UGT2B7: variants seen among roughly 807,000 people sequenced by gnomAD.
UGT2B7 encodes UDP glucuronosyltransferase family 2 member B7.
UGT2B7 carries 51 observed loss-of-function variants against 51.9 expected under a neutral mutation model. The ratio of observed to expected loss-of-function variants is 0.98; its 90% CI spans 0.78 to 1.24. The LOEUF is 1.24. Among genes scored for constraint, UGT2B7 ranks in the 50% most tolerant of loss-of-function variants. The probability of loss-of-function intolerance (pLI) is 0.00; values close to 1 mark genes in which losing one functional copy is unlikely to be tolerated. For missense variants in UGT2B7, 727 were observed against 628.4 expected (o/e 1.16, Z -1.68); for synonymous variants, 225 against 211.6 (o/e 1.06, Z -0.55).
rs1414628425 is a variant in UGT2B7 at position 69,108,469 on chromosome 4, TAA to T, written c.1310+148_1310+149del. ...AATCTGAAATCTGCTTTTATTTTTA[TAA>T]GTTATTTAAAAATTGAATTTGAAAC... On this transcript the variant is annotated intron_variant, in intron 5 of 5. Transcript: ENST00000305231. The T allele has an allele frequency of 2.4e-5, 25 of 1,047,402 alleles. 1 individual carries two copies. In the South Asian group the frequency reaches 3.9e-4, roughly 17 times the overall value. The allele number at this position is 1,047,402 out of a possible 1,614,324, so 64.9% of individuals were successfully genotyped here. A position where few individuals can be genotyped will look rare whatever the true frequency, so the allele number is the denominator to read the frequency against.
chr4:69,079,446 T>C (rs4694612), intron 1 of UGT2B7, among the ~76,000 whole-genome samples: 65,295 of 152,096 alleles, frequency 0.43, 15,576 homozygotes, highest in African/African-American at 0.64. Context: ...AACAAACCTG[T>C]ACGTTGTGCA....
At chr4:69,073,651 C>T (rs1393978566) in intron 1 of UGT2B7, among the ~76,000 whole-genome samples, 1 of 152,100 alleles carries the variant, frequency 6.6e-6, no homozygotes, top group African/African-American at 2.4e-5. Context: ...ATGAAATACA[C>T]TTGAGACAAA....
upstream of UGT2B7, among the ~76,000 whole-genome samples, chr4:69,091,590 A>T (rs1010192614): frequency 6.6e-6 from 1 of 152,140 alleles, no homozygotes; most frequent in South Asian, 2.1e-4. Context: ...ATTTATTTCA[A>T]TTCGGAGCCC....
intron 1 of UGT2B7, among the ~76,000 whole-genome samples, chr4:69,084,732 C>T (rs1718912261): frequency 6.6e-6 from 1 of 152,048 alleles, no homozygotes. Context: ...GTTTTCTGTT[C>T]CTGTGTTAGT....
At chr4:69,111,553 T>C (rs754601859) in intron 5 of UGT2B7, among the ~76,000 whole-genome samples, 5 of 152,198 alleles carry the variant, frequency 3.3e-5, no homozygotes, top group African/African-American at 4.8e-5. Context: ...CGTATGTCTG[T>C]TTGAGAACTA....
At chr4:69,059,109 A>G (rs1718283015) in intron 1 of UGT2B7, among the ~76,000 whole-genome samples, 1 of 152,232 alleles carries the variant, frequency 6.6e-6, no homozygotes, top group Admixed American at 6.5e-5. Flanking sequence ...TATGAGGACT[A>G]GGACAGACCA....
intron 1 of UGT2B7, among the ~76,000 whole-genome samples, chr4:69,065,724 A>G (rs1577909175): frequency 1.3e-5 from 2 of 152,186 alleles, no homozygotes; most frequent in Admixed American, 1.3e-4. Context: ...ACTCTAACTT[A>G]TGGAACAAAT....
At chr4:69,077,762 C>A (rs568849636) in intron 1 of UGT2B7, among the ~76,000 whole-genome samples, 4 of 152,194 alleles carry the variant, frequency 2.6e-5, no homozygotes, top group African/African-American at 7.2e-5. Context: ...TATTTGAATA[C>A]TTTTTATTTC....
upstream of UGT2B7, among the ~76,000 whole-genome samples, chr4:69,091,912 A>T (rs780693059): frequency 1.8e-4 from 27 of 152,134 alleles, no homozygotes; most frequent in Non-Finnish European, 3.8e-4. Flanking sequence ...TGAGAATTCA[A>T]ATGATGAATT....
At chr4:69,102,565 T>C (rs1719452867) in intron 2 of UGT2B7, among the ~76,000 whole-genome samples, 1 of 152,108 alleles carries the variant, frequency 6.6e-6, no homozygotes, top group African/African-American at 2.4e-5. Context: ...CTTACACACA[T>C]GCACACAAAT....
chr4:69,079,433 C>T (rs981247348), intron 1 of UGT2B7, among the ~76,000 whole-genome samples: 4 of 152,090 alleles, frequency 2.6e-5, no homozygotes, highest in Admixed American at 6.6e-5. Flanking sequence ...TGTATACATA[C>T]GTAACAAACC....
chr4:69,077,527 T>C (rs1274864708), intron 1 of UGT2B7, among the ~76,000 whole-genome samples: 3 of 152,126 alleles, frequency 2.0e-5, no homozygotes, highest in African/African-American at 7.2e-5. Context: ...TTCATAGGTA[T>C]TTTATTCTCT....
chr4:69,090,334 A>G (rs753779481), intron 2 of UGT2B7, among the ~76,000 whole-genome samples: 7 of 152,166 alleles, frequency 4.6e-5, no homozygotes, highest in Non-Finnish European at 1.0e-4. Flanking sequence ...TGGAATATCT[A>G]TGTATTCCTA....
intron 1 of UGT2B7, among the ~76,000 whole-genome samples, chr4:69,066,836 A>G (rs72851378): frequency 0.18 from 27,740 of 152,034 alleles, 2,697 homozygotes; most frequent in East Asian, 0.39. Context: ...GATGTTGCAA[A>G]TGCAACTGAA....
intron 1 of UGT2B7, among the ~76,000 whole-genome samples, chr4:69,064,065 A>AAAGAAAGAAAGAAAGAAAGG (rs1577908453): frequency 9.1e-6 from 1 of 109,712 alleles, no homozygotes; most frequent in East Asian, 2.8e-4. Context: ...AGAAAGAAAG[A>AAAGAAAGAAAGAAAGAAAGG]AAGAAAGAAA....
chr4:69,111,575 A>G (rs902688489), intron 5 of UGT2B7, among the ~76,000 whole-genome samples: 3 of 152,202 alleles, frequency 2.0e-5, no homozygotes, highest in African/African-American at 7.2e-5. Flanking sequence ...GAGTGTAATT[A>G]GATTGTTCAT....
rs762667452 is a variant in UGT2B7 at position 69,102,834 on chromosome 4, G to A, written c.898G>A (p.Gly300Arg). 3 of 1,613,376 alleles carry A rather than the reference G, an allele frequency of 1.9e-6. No homozygotes were observed. Among genetic ancestry groups the A allele is most frequent in the Non-Finnish European group, 2.5e-6 (3 of 1,179,614 alleles). ...AATGGAAGACTTTGTACAGAGCTCT[G>A]GAGAAAATGGTGTTGTGGTGTTTTC... The part of the protein sequence containing the change: ...KEMEDFVQSS[G>R]ENGVVVFSLG... Residue 300 changes from glycine to arginine, a missense_variant, in exon 3 of 6, where the codon GGA becomes AGA. Physicochemically the swap from Gly to Arg is moderately radical, Grantham distance 125. Coordinates refer to ENST00000305231, the MANE Select transcript of UGT2B7 (RefSeq NM_001074.4).
At chr4:69,092,214 C>T (rs1398256936), upstream of UGT2B7, among the ~76,000 whole-genome samples, 1 of 152,134 alleles carries the variant, frequency 6.6e-6, no homozygotes, top group Non-Finnish European at 1.5e-5. Flanking sequence ...TCTGGGATTA[C>T]AGGTTGAGCC....
chr4:69,064,045 A>G (rs1184656961), intron 1 of UGT2B7, among the ~76,000 whole-genome samples: 3 of 103,498 alleles, frequency 2.9e-5, no homozygotes, highest in Non-Finnish European at 5.4e-5. Flanking sequence ...AGAAAGAAAG[A>G]AAGAAAGAAA....
Sources: allele counts gnomAD v4.1 joint callset (sites outside exome capture counted in the v4.1 genomes callset), GRCh38; gene constraint gnomAD v4.1.1; transcripts MANE v1.5; gene names NCBI Gene and HGNC (gene_info 2026-07-23, HGNC 2026-07-21).